GNAL: variants seen among roughly 807,000 people sequenced by gnomAD.
GNAL encodes G protein subunit alpha L, also known as guanine nucleotide-binding protein G(olf) subunit alpha.
In GNAL, 18 loss-of-function variants were observed where a neutral mutation model predicts 55.1. That is an observed-to-expected ratio of 0.33 (90% confidence interval 0.23 to 0.48). GNAL has a LOEUF of 0.48. GNAL is among the 20% of genes least tolerant of loss of function. The pLI is 0.99. For synonymous variants in GNAL, 253 were observed against 237.0 expected, an observed-to-expected ratio of 1.07 and a Z score of -0.62; for missense variants, 412 against 614.1, an observed-to-expected ratio of 0.67 and a Z score of 3.48.
chr18:11,700,923 G>A (rs978630473), intron 1 of GNAL, among the ~76,000 whole-genome samples: 16 of 152,144 alleles, frequency 1.1e-4, no homozygotes, highest in African/African-American at 3.6e-4. Context: ...AAGGGAAAAG[G>A]CCATTTTATT....
At chr18:11,733,970 C>T (rs1393776892) in intron 1 of GNAL, among the ~76,000 whole-genome samples, 1 of 151,784 alleles carries the variant, frequency 6.6e-6, no homozygotes, top group Admixed American at 6.6e-5. Flanking sequence ...TAGAACTGCG[C>T]CATCATTTCT....
In GNAL at chr18:11,876,613, T is replaced by C; in HGVS notation, c.1163-8T>C. 2.6e-6 allele frequency: 4 copies of C among 1,556,798 alleles called. No individual in the cohort carries two copies. Among genetic ancestry groups the C allele is most frequent in the Non-Finnish European group, 3.5e-6 (4 of 1,127,520 alleles). On this transcript the variant is annotated splice_polypyrimidine_tract_variant and splice_region_variant and intron_variant, in intron 10 of 11. Coordinates refer to ENST00000334049, the MANE Select transcript of GNAL (RefSeq NM_182978.4). Reference sequence around the variant, plus strand: ...GCTTAAATAAAGTTCCATTTGTCATTTCTACAGCAACACCAGATGCAGGAG... The same window carrying C: ...GCTTAAATAAAGTTCCATTTGTCATCTCTACAGCAACACCAGATGCAGGAG...
chr18:11,797,435 G>T (rs931657556), intron 4 of GNAL, among the ~76,000 whole-genome samples: 2 of 152,032 alleles, frequency 1.3e-5, no homozygotes, highest in African/African-American at 2.4e-5. Flanking sequence ...ACAAGCTTCT[G>T]AGTGAATTTA....
rs940224103 is a variant in GNAL, at chr18:11,881,345, C to G, written c.*210C>G. ...AATACGGCCTCCCGCAGCATCCCACCCCCAAACCACCGACTCTCATTGCCG... is the reference window on the plus strand; with the variant it reads ...AATACGGCCTCCCGCAGCATCCCACGCCCAAACCACCGACTCTCATTGCCG... On this transcript the variant is annotated 3_prime_UTR_variant, in exon 12 of 12. Transcript: ENST00000334049. The surrounding 1 kb of genome is among the most constrained non-coding windows in gnomAD (Gnocchi z 4.8). 2.2e-6 allele frequency: 1 copy of G among 457,928 alleles called. No homozygotes were observed. Among genetic ancestry groups the G allele is most frequent in the Non-Finnish European group, 3.9e-6 (1 of 253,518 alleles). 28.4% of individuals were successfully genotyped at this position (457,928 alleles called of 1,614,324 possible). A position where few individuals can be genotyped will look rare whatever the true frequency, so the allele number is the denominator to read the frequency against.
intron 1 of GNAL, among the ~76,000 whole-genome samples, chr18:11,708,836 G>A (rs1305810096): frequency 6.6e-6 from 1 of 152,094 alleles, no homozygotes; most frequent in East Asian, 1.9e-4. Context: ...TGTCATTGTT[G>A]CCTGTGCTGT....
intron 5 of GNAL, among the ~76,000 whole-genome samples, chr18:11,858,801 A>G (rs1314962074): frequency 6.6e-6 from 1 of 152,210 alleles, no homozygotes; most frequent in Non-Finnish European, 1.5e-5. Context: ...ATGTTCAATG[A>G]GACCTCCCAC....
chr18:11,879,739 A>C (rs1020383223), intron 11 of GNAL, among the ~76,000 whole-genome samples: 5 of 152,298 alleles, frequency 3.3e-5, no homozygotes, highest in Non-Finnish European at 5.9e-5. Context: ...CATAGTGCAC[A>C]TTAGCACATC....
chr18:11,846,834 C>T (rs949785599), intron 5 of GNAL, among the ~76,000 whole-genome samples: 1 of 151,984 alleles, frequency 6.6e-6, no homozygotes, highest in Non-Finnish European at 1.5e-5. Flanking sequence ...GCCTCATCCT[C>T]CCAAAGTGTT....
chr18:11,841,659 AAAAG>A (rs1567886792), intron 5 of GNAL, among the ~76,000 whole-genome samples: 2 of 149,424 alleles, frequency 1.3e-5, no homozygotes, highest in Non-Finnish European at 3.0e-5. Flanking sequence ...AAAAAAAAAA[AAAAG>A]AAAGAAAGAA....
intron 4 of GNAL, among the ~76,000 whole-genome samples, chr18:11,808,064 C>T (rs150184320): frequency 6.6e-6 from 1 of 150,634 alleles, no homozygotes; most frequent in African/African-American, 2.4e-5. Flanking sequence ...TGTCCCTACT[C>T]TACCCTCACA....
chr18:11,743,875 C>T (rs550255763), intron 1 of GNAL, among the ~76,000 whole-genome samples: 16 of 152,202 alleles, frequency 1.1e-4, no homozygotes, highest in Non-Finnish European at 1.8e-4. Context: ...TCTTAAAATA[C>T]ACCAGTGGTC....
intron 4 of GNAL, among the ~76,000 whole-genome samples, chr18:11,792,367 G>T (rs894230260): frequency 6.6e-6 from 1 of 152,188 alleles, no homozygotes; most frequent in African/African-American, 2.4e-5. Context: ...TGCATTTTTA[G>T]TAGAGATGGG....
chr18:11,796,596 C>CAAAAAAA (rs1334256873), intron 4 of GNAL, among the ~76,000 whole-genome samples: 26 of 129,158 alleles, frequency 2.0e-4, no homozygotes, highest in African/African-American at 5.5e-4. Flanking sequence ...AAAAAAAAAA[C>CAAAAAAA]AAAACACGCA....
intron 5 of GNAL, among the ~76,000 whole-genome samples, chr18:11,842,713 G>A (rs1463722105): frequency 6.6e-6 from 1 of 152,108 alleles, no homozygotes; most frequent in African/African-American, 2.4e-5. Context: ...GATTGATGGG[G>A]AACAGCTGTA....
intron 1 of GNAL, chr18:11,746,920 T>G (rs1217773859): frequency 1.9e-6 from 1 of 539,218 alleles, no homozygotes; most frequent in Non-Finnish European, 3.8e-6. Context: ...CCTTGGAAAC[T>G]TAGGACATTA....
At chr18:11,770,297 C>T (rs2033593067) in intron 4 of GNAL, among the ~76,000 whole-genome samples, 1 of 151,792 alleles carries the variant, frequency 6.6e-6, no homozygotes, top group Non-Finnish European at 1.5e-5. Context: ...AAAAATATTA[C>T]CAAATATTAA....
At chr18:11,826,528 A>G (rs1254480400) in intron 5 of GNAL, among the ~76,000 whole-genome samples, 1 of 152,210 alleles carries the variant, frequency 6.6e-6, no homozygotes, top group Admixed American at 6.5e-5. Context: ...CATCCCAGCC[A>G]TAGGCTCCAA....
In GNAL at chr18:11,752,094, G is replaced by C. The variant is rs1430134622; in HGVS notation, c.377-759G>C. On this transcript the variant is annotated intron_variant, in intron 1 of 11. Transcript: ENST00000334049. This position sits in a 1 kb window ranked among gnomAD's most constrained non-coding sequence, Gnocchi z 4.5. ...CGAAGGGACGTGGGGCGAACCCGGG[G>C]CGCTGCGCCACCTCGGCTGTCTCCA... 1 of 171,264 alleles carries C rather than the reference G, an allele frequency of 5.8e-6. No homozygotes were observed. The highest frequency in any genetic ancestry group is 1.2e-5 in the Non-Finnish European group (1 of 81,668). The allele number at this position is 171,264 out of a possible 1,614,324, so 10.6% of individuals were successfully genotyped here.
At chr18:11,835,125 A>T (rs2143703877) in intron 5 of GNAL, among the ~76,000 whole-genome samples, 1 of 152,356 alleles carries the variant, frequency 6.6e-6, no homozygotes, top group Middle Eastern at 3.4e-3. Context: ...AACTCAGCAG[A>T]TATACACTTA....
Sources: gnomAD v4.1 joint callset for allele counts (sites outside exome capture counted in the v4.1 genomes callset) on GRCh38, gnomAD v4.1.1 for gene constraint, Gnocchi (gnomAD v3.1) non-coding constraint, MANE v1.5 for transcripts, NCBI Gene and HGNC (gene_info 2026-07-23, HGNC 2026-07-21) for gene names.